Variants in PDE3B observed in about 807,000 individuals in gnomAD.
PDE3B encodes phosphodiesterase 3B, also known as cGMP-inhibited 3',5'-cyclic phosphodiesterase 3B.
PDE3B carries 66 observed loss-of-function variants against 116.8 expected under a neutral mutation model. That is an observed-to-expected ratio of 0.56 (90% confidence interval 0.46 to 0.69). PDE3B has a LOEUF of 0.69. PDE3B is among the 30% of genes least tolerant of loss of function. The probability of loss-of-function intolerance (pLI) is 0.00; values close to 1 mark genes in which losing one functional copy is unlikely to be tolerated. For missense variants in PDE3B, 1,384 were observed against 1,368.1 expected (o/e 1.01, Z -0.18); for synonymous variants, 595 against 533.6 (o/e 1.12, Z -1.59).
the PDE3B span, chr11:14,886,138 C>G: frequency 1.8e-6 from 1 of 554,448 alleles, no homozygotes; most frequent in Non-Finnish European, 3.2e-6. Context: ...AAGTCACAGT[C>G]TTACCAACAG....
At chr11:14,705,894 C>T (rs1176978417) in intron 1 of PDE3B, among the ~76,000 whole-genome samples, 8 of 151,690 alleles carry the variant, frequency 5.3e-5, no homozygotes, top group East Asian at 1.9e-4. Flanking sequence ...GAATGTCTTT[C>T]GGTACTTATA....
intron 1 of PDE3B, among the ~76,000 whole-genome samples, chr11:14,762,058 G>A (rs1025670087): frequency 8.6e-5 from 13 of 151,924 alleles, no homozygotes; most frequent in African/African-American, 3.1e-4. Context: ...TGTAATCCCA[G>A]CACTTTGGGA....
intron 14 of PDE3B, among the ~76,000 whole-genome samples, chr11:14,863,090 G>A (rs1486256425): frequency 1.3e-5 from 2 of 151,064 alleles, no homozygotes; most frequent in Non-Finnish European, 2.9e-5. Flanking sequence ...CTGTGTCCAC[G>A]TGTTCTCATT....
At chr11:14,654,029 AC>A (rs1853638524) in intron 1 of PDE3B, among the ~76,000 whole-genome samples, 1 of 152,104 alleles carries the variant, frequency 6.6e-6, no homozygotes, top group African/African-American at 2.4e-5. Flanking sequence ...CAAAACACAC[AC>A]ACACAAAGTT....
At chr11:14,849,864 A>T (rs1158045593) in intron 12 of PDE3B, among the ~76,000 whole-genome samples, 13 of 151,468 alleles carry the variant, frequency 8.6e-5, no homozygotes, top group Middle Eastern at 3.2e-3. Flanking sequence ...ATGTGGAGAA[A>T]TAGGAACACT....
intron 1 of PDE3B, among the ~76,000 whole-genome samples, chr11:14,751,368 A>C (rs1857052350): frequency 6.6e-6 from 1 of 152,202 alleles, no homozygotes; most frequent in Non-Finnish European, 1.5e-5. Context: ...GTTTGTTTCA[A>C]GAAATTGAGT....
At chr11:14,846,198 G>C (rs1340981741) in intron 12 of PDE3B, among the ~76,000 whole-genome samples, 1 of 152,162 alleles carries the variant, frequency 6.6e-6, no homozygotes, top group African/African-American at 2.4e-5. Context: ...CATTCTTAAA[G>C]AAAAGAATTT....
At chr11:14,654,445 C>A (rs73412605) in intron 1 of PDE3B, among the ~76,000 whole-genome samples, 20,002 of 151,974 alleles carry the variant, frequency 0.13, 1,516 homozygotes, top group African/African-American at 0.2. Context: ...AAATCAGTGC[C>A]CCGCAAAACT....
intron 12 of PDE3B, among the ~76,000 whole-genome samples, chr11:14,849,759 C>T (rs886457083): frequency 1.2e-4 from 18 of 152,190 alleles, no homozygotes; most frequent in South Asian, 4.2e-4. Context: ...ACTGGCCATC[C>T]GAGAAATGCA....
Position 14,653,571 on chromosome 11 carries a change from A to T in PDE3B, c.978+8518A>T, listed in dbSNP as rs968611527. 2.0e-5 allele frequency among the ~76,000 whole-genome samples: 3 copies of T among 151,836 alleles called. No individual in the cohort carries two copies. In the East Asian group the frequency reaches 5.8e-4, roughly 29 times the overall value. ...CAGAGCAAGACTCCGTCTCAAAAAA[A>T]AACCAAAAAAACCAACAAAAAAACC... On this transcript the variant is annotated intron_variant, in intron 1 of 15. Coordinates refer to ENST00000282096, the MANE Select transcript of PDE3B (RefSeq NM_000922.4).
intron 1 of PDE3B, among the ~76,000 whole-genome samples, chr11:14,667,047 A>G (rs967822276): frequency 3.9e-5 from 6 of 152,210 alleles, no homozygotes; most frequent in African/African-American, 1.2e-4. Context: ...ATGTCCAACA[A>G]TGATAGACTG....
intron 1 of PDE3B, chr11:14,674,582 TCTC>T (rs1322203663): frequency 2.7e-5 from 9 of 332,314 alleles, no homozygotes; most frequent in Non-Finnish European, 5.4e-5. Flanking sequence ...GTCTCCTCCT[TCTC>T]CTACCACCCC....
At chr11:14,885,150 T>A in the PDE3B span, among the ~76,000 whole-genome samples, 7 of 152,198 alleles carry the variant, frequency 4.6e-5, no homozygotes, top group African/African-American at 7.2e-5. Flanking sequence ...ACAACTTTAG[T>A]AAAAATTCTT....
At chr11:14,890,220 GAAAAA>G in the PDE3B span, among the ~76,000 whole-genome samples, 3 of 147,264 alleles carry the variant, frequency 2.0e-5, no homozygotes, top group Admixed American at 6.8e-5. Flanking sequence ...TCACTACCGA[GAAAAA>G]AAAAAGACTC....
chr11:14,838,026 T>A (rs1316962046), intron 11 of PDE3B, among the ~76,000 whole-genome samples: 1 of 152,006 alleles, frequency 6.6e-6, no homozygotes, highest in Non-Finnish European at 1.5e-5. Flanking sequence ...TCGCCCAGGC[T>A]GGAGTGCAGT....
At chr11:14,678,220 C>T (rs1420116487) in intron 1 of PDE3B, among the ~76,000 whole-genome samples, 1 of 152,138 alleles carries the variant, frequency 6.6e-6, no homozygotes, top group African/African-American at 2.4e-5. Flanking sequence ...GCCACTGCAC[C>T]TGGCCTATCC....
chr11:14,769,884 C>T (rs1857591159), intron 1 of PDE3B, among the ~76,000 whole-genome samples: 1 of 148,872 alleles, frequency 6.7e-6, no homozygotes, highest in African/African-American at 2.5e-5. Context: ...TGAATACAAA[C>T]ATGGCTCTTG....
intron 5 of PDE3B, among the ~76,000 whole-genome samples, chr11:14,814,492 A>G (rs1859253040): frequency 6.6e-6 from 1 of 152,198 alleles, no homozygotes. Context: ...ACCATTTACC[A>G]CAGCATCAAA....
At chr11:14,736,546 A>G (rs890657500) in intron 1 of PDE3B, among the ~76,000 whole-genome samples, 5 of 152,228 alleles carry the variant, frequency 3.3e-5, no homozygotes, top group African/African-American at 1.2e-4. Flanking sequence ...AAGGAACTGA[A>G]GTCCAAGATT....
Sources: allele counts gnomAD v4.1 joint callset (sites outside exome capture counted in the v4.1 genomes callset), GRCh38; gene constraint gnomAD v4.1.1; transcripts MANE v1.5; gene names NCBI Gene and HGNC (gene_info 2026-07-23, HGNC 2026-07-21).